PTPRT: variants seen among roughly 807,000 people sequenced by gnomAD.
PTPRT encodes protein tyrosine phosphatase receptor type T.
Under a neutral mutation model 176.8 loss-of-function variants are expected in PTPRT, and 56 were observed. The ratio of observed to expected loss-of-function variants is 0.32; its 90% CI spans 0.26 to 0.40. The LOEUF is 0.40. PTPRT is among the 10% of genes least tolerant of loss of function. PTPRT has a pLI of 1.00. For missense variants in PTPRT, 1,540 were observed against 1,908.2 expected (o/e 0.81, Z 3.60); for synonymous variants, 783 against 739.0 (o/e 1.06, Z -0.96).
intron 8 of PTPRT, among the ~76,000 whole-genome samples, chr20:42,470,510 C>T (rs1352692505): frequency 6.6e-6 from 1 of 152,066 alleles, no homozygotes; most frequent in Non-Finnish European, 1.5e-5. Flanking sequence ...GAGTCTGATT[C>T]TCAGGAACTA....
chr20:42,164,236 C>T (rs1185477795), intron 16 of PTPRT, among the ~76,000 whole-genome samples: 2 of 152,192 alleles, frequency 1.3e-5, no homozygotes, highest in African/African-American at 4.8e-5. Context: ...GACCAGCTGC[C>T]TGGGAAAGAC....
chr20:42,381,124 A>T (rs1213172431), intron 9 of PTPRT, among the ~76,000 whole-genome samples: 1 of 152,180 alleles, frequency 6.6e-6, no homozygotes, highest in Non-Finnish European at 1.5e-5. Flanking sequence ...CCCATGATCC[A>T]ATCACCTTCC....
chr20:42,281,569 G>C (rs1046651532), intron 13 of PTPRT, among the ~76,000 whole-genome samples: 1 of 152,054 alleles, frequency 6.6e-6, no homozygotes, highest in African/African-American at 2.4e-5. Flanking sequence ...TTGTCGTTGT[G>C]CATGTGTCTA....
At chr20:42,739,119 A>G (rs2076573531) in intron 6 of PTPRT, among the ~76,000 whole-genome samples, 1 of 152,192 alleles carries the variant, frequency 6.6e-6, no homozygotes, top group Admixed American at 6.5e-5. Flanking sequence ...GCTGTCCTCA[A>G]TCAAAGAATA....
chr20:42,336,845 A>T (rs1380026189), intron 11 of PTPRT, among the ~76,000 whole-genome samples: 1 of 152,216 alleles, frequency 6.6e-6, no homozygotes, highest in Non-Finnish European at 1.5e-5. Context: ...AACTGACTGC[A>T]CACACACATA....
chr20:42,805,623 C>T (rs77689714), intron 2 of PTPRT, among the ~76,000 whole-genome samples: 273 of 152,250 alleles, frequency 1.8e-3, no homozygotes, highest in African/African-American at 6.3e-3. Context: ...CTCCTGTAGA[C>T]GCCCCCCAGG....
intron 13 of PTPRT, among the ~76,000 whole-genome samples, chr20:42,281,242 T>C (rs1229898716): frequency 6.6e-6 from 1 of 152,158 alleles, no homozygotes; most frequent in African/African-American, 2.4e-5. Flanking sequence ...CAATTCTCCT[T>C]GCCTCACAGA....
intron 1 of PTPRT, among the ~76,000 whole-genome samples, chr20:43,126,224 G>A (rs1484217263): frequency 6.6e-6 from 1 of 152,092 alleles, no homozygotes; most frequent in Non-Finnish European, 1.5e-5. Context: ...GATGGTGGGT[G>A]CCTGTAATCC....
At chr20:42,372,879 C>T (rs1196788527) in intron 9 of PTPRT, among the ~76,000 whole-genome samples, 2 of 152,160 alleles carry the variant, frequency 1.3e-5, no homozygotes, top group Non-Finnish European at 2.9e-5. Context: ...AATCTTGGAC[C>T]TCCCAGCCTC....
At chr20:42,935,140 T>G (rs1302332921) in intron 1 of PTPRT, among the ~76,000 whole-genome samples, 1 of 146,156 alleles carries the variant, frequency 6.8e-6, no homozygotes, top group African/African-American at 2.5e-5. Flanking sequence ...TCATTGCTTT[T>G]GCCATAATTT....
chr20:42,416,822 G>A (rs556067037), intron 9 of PTPRT, among the ~76,000 whole-genome samples: 20 of 152,244 alleles, frequency 1.3e-4, no homozygotes, highest in African/African-American at 4.6e-4. Context: ...TTGACATAAC[G>A]CTAAGTGGAA....
At chr20:42,355,851 G>A (rs563241976) in intron 9 of PTPRT, among the ~76,000 whole-genome samples, 8 of 152,016 alleles carry the variant, frequency 5.3e-5, no homozygotes, top group East Asian at 1.9e-4. Context: ...CCTTTCCTGC[G>A]CTCCAAATTC....
chr20:42,788,817 C>T (rs1158103851), intron 3 of PTPRT, among the ~76,000 whole-genome samples: 2 of 152,148 alleles, frequency 1.3e-5, no homozygotes, highest in Non-Finnish European at 2.9e-5. Context: ...GGAGTTACCC[C>T]GCTTCATCTC....
At chr20:42,126,051 A>G (rs1987842943) in intron 19 of PTPRT, among the ~76,000 whole-genome samples, 2 of 150,960 alleles carry the variant, frequency 1.3e-5, no homozygotes, top group South Asian at 2.1e-4. Context: ...AAGGAGAAAG[A>G]GTGCTAAACT....
intron 7 of PTPRT, among the ~76,000 whole-genome samples, chr20:42,585,870 T>A (rs777452098): frequency 6.6e-6 from 1 of 152,198 alleles, no homozygotes; most frequent in Non-Finnish European, 1.5e-5. Flanking sequence ...ACACAGTTTA[T>A]TGTAACAATA....
intron 1 of PTPRT, among the ~76,000 whole-genome samples, chr20:43,127,558 T>C (rs1020736455): frequency 9.2e-5 from 14 of 151,972 alleles, no homozygotes; most frequent in African/African-American, 3.4e-4. Context: ...GGCCATCCTC[T>C]AGCCATGTTC....
intron 7 of PTPRT, among the ~76,000 whole-genome samples, chr20:42,576,995 G>A (rs2073273038): frequency 6.6e-6 from 1 of 152,064 alleles, no homozygotes; most frequent in Non-Finnish European, 1.5e-5. Flanking sequence ...CAGGGACAAT[G>A]TCAGGGAGTA....
chr20:42,505,675 T>C (rs184008657), intron 7 of PTPRT, among the ~76,000 whole-genome samples: 2 of 152,128 alleles, frequency 1.3e-5, no homozygotes, highest in African/African-American at 4.8e-5. Flanking sequence ...GACAGAATTT[T>C]AGGGTCATAG....
chr20:42,683,271 T>TTTTTGTTTTGTTTTGTTTCGTTTTG (rs2075635042), intron 6 of PTPRT, among the ~76,000 whole-genome samples: 1 of 149,280 alleles, frequency 6.7e-6, no homozygotes, highest in Non-Finnish European at 1.5e-5. Context: ...TTACTTGTTT[T>TTTTTGTTTTGTTTTGTTTCGTTTTG]TTTTGTTTTG....
Sources: gnomAD v4.1 joint callset for allele counts (sites outside exome capture counted in the v4.1 genomes callset) on GRCh38, gnomAD v4.1.1 for gene constraint, MANE v1.5 for transcripts, NCBI Gene and HGNC (gene_info 2026-07-23, HGNC 2026-07-21) for gene names.